Variants in NPHP3 observed in about 807,000 individuals in gnomAD.
NPHP3 encodes nephrocystin-3.
NPHP3 carries 123 observed loss-of-function variants against 171.9 expected under a neutral mutation model. The observed-to-expected ratio is 0.72, with a 90% CI of 0.62 to 0.83. NPHP3 has a LOEUF of 0.83. Ranked by LOEUF, NPHP3 falls within the 40% of genes least tolerant of loss-of-function variation. NPHP3 has a pLI of 0.00. For synonymous variants in NPHP3, 558 were observed against 579.2 expected, an observed-to-expected ratio of 0.96 and a Z score of 0.52; for missense variants, 1,506 against 1,591.9, an observed-to-expected ratio of 0.95 and a Z score of 0.92.
In NPHP3 at chr3:132,681,531, G is replaced by C. The variant is rs2107960048; in HGVS notation, c.*379C>G. On this transcript the variant is annotated 3_prime_UTR_variant, in exon 27 of 27. Coordinates refer to ENST00000337331, the MANE Select transcript of NPHP3 (RefSeq NM_153240.5). ...GATCCTCCTGCATCACCCTCCCAAA[G>C]TGGTGGGATTACAGGCATGAGCCAC... 1 of 260,192 alleles carries C rather than the reference G, an allele frequency of 3.8e-6. No homozygotes were observed. Among genetic ancestry groups the C allele is most frequent in the Non-Finnish European group, 7.5e-6 (1 of 132,734 alleles). The allele number at this position is 260,192 out of a possible 1,614,324, so 16.1% of individuals were successfully genotyped here.
chr3:132,706,286 G>A (rs1439679237), intron 7 of NPHP3, among the ~76,000 whole-genome samples: 1 of 151,526 alleles, frequency 6.6e-6, no homozygotes, highest in African/African-American at 2.4e-5. Flanking sequence ...GTGAACCCGG[G>A]AGGCGGAGCT....
intron 9 of NPHP3, 152 bp downstream of exon 9, chr3:132,704,046 A>C: frequency 1.2e-6 from 1 of 806,294 alleles, no homozygotes; most frequent in Admixed American, 2.1e-5. Context: ...TTATGACACA[A>C]ACCTAAGCAC....
intron 3 of NPHP3, among the ~76,000 whole-genome samples, chr3:132,717,626 T>G (rs1424438252): frequency 1.3e-5 from 2 of 152,186 alleles, no homozygotes; most frequent in Non-Finnish European, 1.5e-5. Context: ...TGTTTCTAAC[T>G]TGCCAAGACA....
In NPHP3 at chr3:132,701,493, G is replaced by C; in HGVS notation, c.1565C>G (p.Pro522Arg). The stretch of plus-strand genomic sequence containing the variant: ...TCCAGACACGAGAAGAGGTGGAATC[G>C]GGGCTGGTGCTGCCACTAGATCATT... ...RLNDLVAAPA[P>R]IPPLLVSGGP... The change falls in exon 10 of 27, where the codon CCG (proline) becomes CGG (arginine). Residue 522 changes from proline (P) to arginine (R), a missense_variant. Pro to Arg is a moderately radical substitution (Grantham distance 103). This residue lies in a region of NPHP3 where 930 missense variants were observed against 924.9 expected (regional missense o/e 1.01). Transcript: ENST00000337331. The C allele has an allele frequency of 6.2e-7, 1 of 1,613,732 alleles. No homozygotes were observed. Among genetic ancestry groups the C allele is most frequent in the Non-Finnish European group, 8.5e-7 (1 of 1,179,772 alleles).
intron 4 of NPHP3, 34 bp from the exon 5 acceptor site, chr3:132,715,252 T>C (rs1274509082): frequency 7.5e-6 from 12 of 1,592,306 alleles, no homozygotes; most frequent in Non-Finnish European, 1.0e-5. Flanking sequence ...CATGAAAAAA[T>C]TACCAGAACA....
chr3:132,722,184 C>T lies in NPHP3; in HGVS notation c.172G>A (p.Gly58Arg). The stretch of plus-strand genomic sequence containing the variant: ...GCGCCCACCCCGCGGGGCAGCGACC[C>T]GGGCCCGGCCCCTGCTGCCGCCCCC... ...GAGAAAGAGPGSLPRGVGAGG... is the reference protein window; with the variant it reads ...GAGAAAGAGPRSLPRGVGAGG... Residue 58 changes from glycine (G) to arginine (R), a missense_variant, in exon 1 of 27, where the codon GGG becomes AGG. Physicochemically the swap from Gly to Arg is moderately radical, Grantham distance 125. Around this residue, in one of 3 missense-constraint regions of NPHP3, gnomAD observed 930 missense variants for 924.9 expected, o/e 1.01. Coordinates refer to ENST00000337331, the MANE Select transcript of NPHP3 (RefSeq NM_153240.5). 6.6e-7 allele frequency: 1 copy of T among 1,509,058 alleles called. No homozygotes were observed. Among genetic ancestry groups the T allele is most frequent in the Non-Finnish European group, 8.8e-7 (1 of 1,138,202 alleles). 93.5% of individuals were successfully genotyped at this position (1,509,058 alleles called of 1,614,324 possible). A position where few individuals can be genotyped will look rare whatever the true frequency, so the allele number is the denominator to read the frequency against.
rs3891704 is a variant in NPHP3, at chr3:132,681,391, G to A, written c.*519C>T. ...CGATTCTCATGCCTCAGCCTCCTGA[G>A]TAGCTAGGATTACAGGCATGCGCCA... On this transcript the variant is annotated 3_prime_UTR_variant, in exon 27 of 27. Coordinates refer to ENST00000337331, the MANE Select transcript of NPHP3 (RefSeq NM_153240.5). 97 of 163,976 alleles carry A rather than the reference G, an allele frequency of 5.9e-4. No homozygotes were observed. In the Middle Eastern group the frequency reaches 0.013, roughly 22 times the overall value. The allele number at this position is 163,976 out of a possible 1,614,324, so 10.2% of individuals were successfully genotyped here.
intron 14 of NPHP3, 42 bp downstream of exon 14, chr3:132,697,218 G>T: frequency 2.4e-6 from 3 of 1,267,710 alleles, no homozygotes; most frequent in Non-Finnish European, 3.5e-6. Flanking sequence ...TCATAGGAAA[G>T]ATGAGAGAGT....
At chr3:132,714,972 G>A (rs1940010455) in intron 5 of NPHP3, 113 bp downstream of exon 5, 1 of 839,058 alleles carries the variant, frequency 1.2e-6, no homozygotes, top group Admixed American at 2.3e-5. Context: ...TGTTCTTTAA[G>A]ACATATAATC....
intron 6 of NPHP3, 35 bp from the exon 7 acceptor site, chr3:132,708,292 G>C (rs1311358468): frequency 6.2e-7 from 1 of 1,600,496 alleles, no homozygotes; most frequent in African/African-American, 1.3e-5. Context: ...GTGCTATACT[G>C]CATTGTGGCA....
At chr3:132,714,171 T>C (rs1166874541) in intron 5 of NPHP3, among the ~76,000 whole-genome samples, 1 of 152,260 alleles carries the variant, frequency 6.6e-6, no homozygotes, top group African/African-American at 2.4e-5. Flanking sequence ...TGCAGCAATG[T>C]TCTAATAAAA....
chr3:132,711,223 GC>G (rs1170968349), intron 6 of NPHP3, among the ~76,000 whole-genome samples: 2 of 152,210 alleles, frequency 1.3e-5, no homozygotes, highest in African/African-American at 2.4e-5. Context: ...GTGGTGTGGA[GC>G]CCATCCCCAC....
intron 6 of NPHP3, among the ~76,000 whole-genome samples, chr3:132,709,211 A>C (rs1421598625): frequency 6.6e-6 from 1 of 151,848 alleles, no homozygotes; most frequent in Admixed American, 6.6e-5. Flanking sequence ...CTAGAAAAAA[A>C]AGTCCTAGAA....
At chr3:132,700,537 T>G in intron 10 of NPHP3, 89 bp from the exon 11 acceptor site, 2 of 745,754 alleles carry the variant, frequency 2.7e-6, no homozygotes, top group Admixed American at 5.1e-5. Flanking sequence ...AAACATCAAA[T>G]GTTGCCTAAC....
chr3:132,721,662 C>A (rs1169744850), intron 1 of NPHP3: 2 of 557,574 alleles, frequency 3.6e-6, no homozygotes, highest in Admixed American at 2.8e-5. Flanking sequence ...GGGGACCAGG[C>A]GCGGTGGCTC....
At chr3:132,696,898 A>G (rs1576669702) in intron 14 of NPHP3, 85 bp from the exon 15 acceptor site, 1 of 1,025,066 alleles carries the variant, frequency 9.8e-7, no homozygotes, top group Non-Finnish European at 1.5e-6. Context: ...GCCATCAACA[A>G]GTACCCCGAC....
rs1211967673 is a variant in NPHP3, at chr3:132,692,658, A to T, written c.2471T>A (p.Leu824Gln). 1 of 1,613,474 alleles carries T rather than the reference A, an allele frequency of 6.2e-7. No homozygotes were observed. Among genetic ancestry groups the T allele is most frequent in the Non-Finnish European group, 8.5e-7 (1 of 1,179,462 alleles). ...YGCGLLRFQHLQAWETVRLEY... is the reference protein window; with the variant it reads ...YGCGLLRFQHQQAWETVRLEY... Reference sequence around the variant, plus strand: ...AGATGCCTAAAATAACATTACCTGCAGATGTTGAAACCTAAGCAAGCCACA... The same window carrying T: ...AGATGCCTAAAATAACATTACCTGCTGATGTTGAAACCTAAGCAAGCCACA... Residue 824 changes from leucine (L) to glutamine (Q), a missense_variant, in exon 17 of 27, where the codon CTG becomes CAG. This residue lies in a region of NPHP3 where 569 missense variants were observed against 648.1 expected (regional missense o/e 0.88). Coordinates refer to ENST00000337331, the MANE Select transcript of NPHP3 (RefSeq NM_153240.5).
chr3:132,707,376 A>T (rs909605472), intron 7 of NPHP3, among the ~76,000 whole-genome samples: 2 of 151,988 alleles, frequency 1.3e-5, no homozygotes, highest in Non-Finnish European at 2.9e-5. Flanking sequence ...AGGTGGGAGG[A>T]CTGCTCGATC....
rs768700776 is a variant in NPHP3 at position 132,716,878 on chromosome 3, G to A, written c.702C>T (p.Gly234=). The change falls in exon 4 of 27, where the codon GGC becomes GGT. Residue 234 remains glycine (G), a synonymous_variant. Transcript: ENST00000337331. The part of the protein sequence containing the change: ...AAGTQCEYWT[G]GALGSEPSIG... ...TGGAAGGTTCACTTCCCAAGGCTCC[G>A]CCAGTCCAATATTCACATTGGGTTC... 4.3e-6 allele frequency: 7 copies of A among 1,613,888 alleles called. No homozygotes were observed. Among genetic ancestry groups the A allele is most frequent in the African/African-American group, 1.3e-5 (1 of 74,914 alleles).
Sources: gnomAD v4.1 joint callset for allele counts (sites outside exome capture counted in the v4.1 genomes callset) on GRCh38, gnomAD v4.1.1 for gene constraint, gnomAD v4.1.1 regional missense constraint, MANE v1.5 for transcripts, NCBI Gene and HGNC (gene_info 2026-07-23, HGNC 2026-07-21) for gene names.